RYR3: variants seen among roughly 807,000 people sequenced by gnomAD.
The protein encoded by RYR3 is brain ryanodine receptor-calcium release channel.
In RYR3, 207 loss-of-function variants were observed where a neutral mutation model predicts 584.3. The observed-to-expected ratio is 0.35, with a 90% CI of 0.32 to 0.40. RYR3 has a LOEUF of 0.40. Ranked by LOEUF, RYR3 falls within the 10% of genes least tolerant of loss-of-function variation. RYR3 has a pLI of 1.00. For missense variants in RYR3, 5,616 were observed against 6,089.2 expected, an observed-to-expected ratio of 0.92 and a Z score of 2.59; for synonymous variants, 2,416 against 2,248.5, an observed-to-expected ratio of 1.07 and a Z score of -2.11.
Position 33,772,108 on chromosome 15 carries a change from C to T in RYR3, c.9005C>T (p.Thr3002Met), listed in dbSNP as rs776121340. Residue 3002 changes from threonine to methionine, a missense_variant, in exon 63 of 104, where the codon ACG becomes ATG. By Grantham distance (81) the Thr-to-Met change is moderately conservative. Transcript: ENST00000634891. ...YTTVALLPILTSIFEHVTQHQ... is the reference protein window; with the variant it reads ...YTTVALLPILMSIFEHVTQHQ... Reference sequence around the variant, plus strand: ...ACAGTGGCTCTGCTCCCCATCCTGACGTCCATCTTTGAGCACGTCACTCAG... The same window carrying T: ...ACAGTGGCTCTGCTCCCCATCCTGATGTCCATCTTTGAGCACGTCACTCAG... 1.2e-5 allele frequency: 19 copies of T among 1,613,578 alleles called. No homozygotes were observed. Among genetic ancestry groups the T allele is most frequent in the African/African-American group, 6.7e-5 (5 of 74,910 alleles).
rs2078618437 is a variant in RYR3, at chr15:33,844,907, C to T, written c.13342C>T (p.Leu4448=). Reference sequence around the variant, plus strand: ...AGAAGAGACAGAGGATGTTGCAAACCTATGGAATTCCTTTAATGACGAGGA... The same window carrying T: ...AGAAGAGACAGAGGATGTTGCAAACTTATGGAATTCCTTTAATGACGAGGA... ...LEEETEDVAN[L]WNSFNDEEEE... Residue 4448 remains leucine (L), a synonymous_variant, in exon 93 of 104, where the codon CTA becomes TTA. Transcript: ENST00000634891. 1 of 1,613,876 alleles carries T rather than the reference C, an allele frequency of 6.2e-7. No homozygotes were observed. Among genetic ancestry groups the T allele is most frequent in the South Asian group, 1.1e-5 (1 of 91,080 alleles).
intron 69 of RYR3, among the ~76,000 whole-genome samples, chr15:33,804,544 G>A (rs1208508450): frequency 6.6e-6 from 1 of 152,184 alleles, no homozygotes; most frequent in Non-Finnish European, 1.5e-5. Flanking sequence ...AAGATGTTCT[G>A]GTTTAAGGTC....
intron 60 of RYR3, among the ~76,000 whole-genome samples, chr15:33,758,851 G>C (rs2072140796): frequency 6.6e-6 from 1 of 152,214 alleles, no homozygotes; most frequent in African/African-American, 2.4e-5. Flanking sequence ...CTGATGGGGA[G>C]AAACCTCCCA....
intron 1 of RYR3, among the ~76,000 whole-genome samples, chr15:33,445,893 CTT>C (rs2046616657): frequency 6.6e-6 from 1 of 152,076 alleles, no homozygotes; most frequent in African/African-American, 2.4e-5. Context: ...AAAGAAGTGA[CTT>C]TACATTATGT....
intron 70 of RYR3, among the ~76,000 whole-genome samples, chr15:33,810,083 G>A (rs535877787): frequency 1.3e-5 from 2 of 152,284 alleles, no homozygotes; most frequent in African/African-American, 2.4e-5. Flanking sequence ...ATTATTCTGT[G>A]CTGGATACTC....
intron 16 of RYR3, among the ~76,000 whole-genome samples, chr15:33,589,836 C>A (rs1014481017): frequency 1.3e-5 from 2 of 152,234 alleles, no homozygotes; most frequent in South Asian, 4.2e-4. Context: ...TATTTTTATA[C>A]CAGTACCATG....
intron 43 of RYR3, among the ~76,000 whole-genome samples, chr15:33,707,678 T>C (rs1034563228): frequency 6.6e-6 from 1 of 152,232 alleles, no homozygotes; most frequent in Non-Finnish European, 1.5e-5. Context: ...ATTTTTGTTA[T>C]AATACTAATT....
At chr15:33,442,551 A>G (rs1353081804) in intron 1 of RYR3, among the ~76,000 whole-genome samples, 1 of 152,234 alleles carries the variant, frequency 6.6e-6, no homozygotes, top group Non-Finnish European at 1.5e-5. Context: ...GTTTGCAAAG[A>G]CGTATCATGT....
intron 36 of RYR3, among the ~76,000 whole-genome samples, chr15:33,665,741 A>C (rs905138326): frequency 2.0e-5 from 3 of 152,254 alleles, no homozygotes; most frequent in African/African-American, 7.2e-5. Context: ...GTTCCTGACA[A>C]AACAGCATAC....
chr15:33,799,614 C>T (rs201167200), intron 67 of RYR3, among the ~76,000 whole-genome samples: 1 of 152,218 alleles, frequency 6.6e-6, no homozygotes, highest in East Asian at 1.9e-4. Context: ...TTATAATAAA[C>T]TGGTAATAGT....
At position 33,731,571 on chromosome 15, in the gene RYR3, G is replaced by A. The variant is rs779930006; in HGVS notation, c.7301G>A (p.Gly2434Glu). 2 of 1,613,826 alleles carry A rather than the reference G, an allele frequency of 1.2e-6. No individual in the cohort carries two copies. The highest frequency in any genetic ancestry group is 1.7e-5 in the Admixed American group (1 of 60,020). ...LLTRCAPLFA[G>E]TEHCTSLIDS... ...ACAAGATGTGCCCCTCTCTTTGCCG[G>A]AACAGAACACTGCACCTCTCTGATT... The change falls in exon 48 of 104, where the codon GGA (glycine) becomes GAA (glutamate). Residue 2434 changes from glycine (G) to glutamate (E), a missense_variant. Around this residue, in one of 9 missense-constraint regions of RYR3, gnomAD observed 1,280 missense variants for 1,426.2 expected, o/e 0.90. Coordinates refer to ENST00000634891, the MANE Select transcript of RYR3 (RefSeq NM_001036.6).
At chr15:33,555,612 A>C (rs1301478086) in intron 10 of RYR3, among the ~76,000 whole-genome samples, 2 of 152,200 alleles carry the variant, frequency 1.3e-5, no homozygotes, top group Non-Finnish European at 2.9e-5. Flanking sequence ...TTTGTAAAAA[A>C]TAGAGATTTA....
intron 18 of RYR3, among the ~76,000 whole-genome samples, chr15:33,605,255 C>T (rs2059851714): frequency 6.6e-6 from 1 of 152,158 alleles, no homozygotes; most frequent in Non-Finnish European, 1.5e-5. Context: ...AGGCATGGAA[C>T]CCATTCATGG....
intron 59 of RYR3, among the ~76,000 whole-genome samples, chr15:33,756,729 T>C (rs558546267): frequency 1.1e-4 from 16 of 152,152 alleles, no homozygotes; most frequent in African/African-American, 3.6e-4. Flanking sequence ...TCTATCCCAA[T>C]GGCTAGAACT....
intron 31 of RYR3, among the ~76,000 whole-genome samples, chr15:33,650,581 G>C (rs368887710): frequency 1.3e-4 from 20 of 152,232 alleles, no homozygotes; most frequent in African/African-American, 4.8e-4. Context: ...CCTCAACTCA[G>C]GCACTCAGTA....
At chr15:33,708,068 C>T (rs973013553) in intron 43 of RYR3, among the ~76,000 whole-genome samples, 13 of 152,298 alleles carry the variant, frequency 8.5e-5, no homozygotes, top group Middle Eastern at 6.8e-3. Context: ...CTTCTCTCTG[C>T]GTATTCATCA....
chr15:33,769,072 A>G lies in RYR3; in HGVS notation c.8756-40A>G, dbSNP rs530756234. The G allele has an allele frequency of 1.0e-5, 15 of 1,481,838 alleles. No individual in the cohort carries two copies. The South Asian group carries it at 1.7e-4, about 17-fold the overall frequency. The allele number at this position is 1,481,838 out of a possible 1,614,324, so 91.8% of individuals were successfully genotyped here. On this transcript the variant is annotated intron_variant, in intron 61 of 103. Transcript: ENST00000634891. ...AAGACTGCATTTGAAAGACAGGCTG[A>G]GTGGTTTGAGGGAATCACAGATGAT...
At chr15:33,353,192 C>G (rs533095521) in intron 1 of RYR3, among the ~76,000 whole-genome samples, 1 of 152,284 alleles carries the variant, frequency 6.6e-6, no homozygotes, top group South Asian at 2.1e-4. Context: ...TAGTAATATA[C>G]AGCCAAGTCC....
intron 6 of RYR3, among the ~76,000 whole-genome samples, chr15:33,539,732 G>A (rs2055650166): frequency 6.6e-6 from 1 of 152,048 alleles, no homozygotes; most frequent in African/African-American, 2.4e-5. Flanking sequence ...TGAATAGCCT[G>A]TTAAAGCATA....
Sources: allele counts gnomAD v4.1 joint callset (sites outside exome capture counted in the v4.1 genomes callset), GRCh38; gene constraint gnomAD v4.1.1; regional missense constraint gnomAD v4.1.1; transcripts MANE v1.5; gene names NCBI Gene and HGNC (gene_info 2026-07-23, HGNC 2026-07-21).